The following CLPSL1 variants were observed in gnomAD, a reference collection of about 807,000 sequenced individuals.
The protein encoded by CLPSL1 is colipase-like protein 1.
In CLPSL1, 13 loss-of-function variants were observed where a neutral mutation model predicts 9.3. That is an observed-to-expected ratio of 1.40 (90% CI 0.91 to 2.22). The LOEUF is 2.22. CLPSL1 is among the 30% of genes most tolerant of loss of function. The pLI is 0.00. For missense variants in CLPSL1, 164 were observed against 146.6 expected (o/e 1.12, Z -0.61); for synonymous variants, 58 against 56.9 (o/e 1.02, Z -0.08).
chr6:35,789,348 T>C (rs1768146847), downstream of CLPSL1, among the ~76,000 whole-genome samples: 1 of 152,262 alleles, frequency 6.6e-6, no homozygotes, highest in South Asian at 2.1e-4. Context: ...GGGGAAAGGA[T>C]AGTCTTTTCA....
chr6:35,781,675 G>A (rs1292239656), intron 1 of CLPSL1, among the ~76,000 whole-genome samples: 8 of 151,364 alleles, frequency 5.3e-5, no homozygotes, highest in African/African-American at 1.9e-4. Flanking sequence ...AGCAAGGAAA[G>A]GGAAAATAAG....
rs141726973 is a variant in CLPSL1 at position 35,787,905 on chromosome 6, G to C, written c.261G>C (p.Arg87=). The C allele has an allele frequency of 6.2e-7, 1 of 1,608,918 alleles. No individual in the cohort carries two copies. Among genetic ancestry groups the C allele is most frequent in the Non-Finnish European group, 8.5e-7 (1 of 1,175,442 alleles). The change falls in exon 3 of 3, where the codon CGG becomes CGC. Residue 87 remains arginine, a synonymous_variant. Coordinates refer to ENST00000373861, the MANE Select transcript of CLPSL1 (RefSeq NM_001010886.5). ...AATATAGAGCGTGTCCCTGCCTGCG[G>C]AACCTGACTTGTATATATTCAAAGA... ...FGQYRACPCL[R]NLTCIYSKNE...
chr6:35,792,810 C>T (rs1223933129), downstream of CLPSL1, among the ~76,000 whole-genome samples: 3 of 152,260 alleles, frequency 2.0e-5, no homozygotes, highest in Non-Finnish European at 1.5e-5. Context: ...TCTCCAGGAC[C>T]GAATGTGGCA....
At position 35,782,462 on chromosome 6, in the gene CLPSL1, A is replaced by G. The variant is rs561008901; in HGVS notation, c.99+1253A>G. ...AGGTTGCTAGCGGGGGAAATAAATT[A>G]TTTTTAAACATATAAATAAGATGAT... On this transcript the variant is annotated intron_variant, in intron 1 of 2. Transcript: ENST00000373861. 2.0e-5 allele frequency among the ~76,000 whole-genome samples: 3 copies of G among 152,350 alleles called. No individual in the cohort carries two copies. The East Asian group carries it at 5.8e-4, about 29-fold the overall frequency.
chr6:35,791,834 T>C (rs1162573978), downstream of CLPSL1, among the ~76,000 whole-genome samples: 4 of 151,912 alleles, frequency 2.6e-5, no homozygotes, highest in African/African-American at 7.3e-5. Context: ...TTCGGAGGCC[T>C]AGGTGGGCAG....
At chr6:35,788,690 A>AGAAG (rs1198426713), downstream of CLPSL1, among the ~76,000 whole-genome samples, 23 of 152,364 alleles carry the variant, frequency 1.5e-4, no homozygotes, top group Admixed American at 6.5e-4. Context: ...GGACAAGAAA[A>AGAAG]GAAGGAAGGA....
At chr6:35,793,455 A>G in intron 1 of CLPSL1, 1 of 469,530 alleles carries the variant, frequency 2.1e-6, no homozygotes, top group South Asian at 1.6e-5. Flanking sequence ...GTATGCAAGA[A>G]GAAACTCTCT....
intron 1 of CLPSL1, 107 bp downstream of exon 1, chr6:35,781,316 T>G: frequency 2.1e-6 from 3 of 1,446,752 alleles, no homozygotes; most frequent in South Asian, 2.8e-5. Context: ...AGGCCAGAAG[T>G]GGGGGCAGCA....
chr6:35,781,526 T>A, intron 1 of CLPSL1, among the ~76,000 whole-genome samples: 1 of 152,128 alleles, frequency 6.6e-6, no homozygotes, highest in Non-Finnish European at 1.5e-5. Flanking sequence ...GTAAATTATT[T>A]TTCTACATTT....
rs1339174703 is a variant in CLPSL1 at position 35,787,005 on chromosome 6, A to G, written c.107A>G (p.Lys36Arg). Reference sequence around the variant, plus strand: ...CCGTGTCCCTCCCTGCAGGAGCTCAAGGAGTCTTGCATCCGGAACCAGGAC... The same window carrying G: ...CCGTGTCCCTCCCTGCAGGAGCTCAGGGAGTCTTGCATCCGGAACCAGGAC... ...SPTKYNLLEL[K>R]ESCIRNQDCE... Residue 36 changes from lysine to arginine, a missense_variant, in exon 2 of 3, where the codon AAG becomes AGG. Physicochemically the swap from Lys to Arg is conservative, Grantham distance 26. Coordinates refer to ENST00000373861, the MANE Select transcript of CLPSL1 (RefSeq NM_001010886.5). 8 of 1,580,322 alleles carry G rather than the reference A, an allele frequency of 5.1e-6. No individual in the cohort carries two copies. The South Asian group carries it at 9.3e-5, about 18-fold the overall frequency.
chr6:35,786,667 GTA>G (rs1187380871), intron 1 of CLPSL1, among the ~76,000 whole-genome samples: 4 of 151,894 alleles, frequency 2.6e-5, no homozygotes, highest in African/African-American at 9.7e-5. Flanking sequence ...GAAAGGGTGA[GTA>G]TGAGTTTTGG....
chr6:35,785,251 A>C (rs1310232529), intron 1 of CLPSL1, among the ~76,000 whole-genome samples: 1 of 144,568 alleles, frequency 6.9e-6, no homozygotes, highest in Non-Finnish European at 1.5e-5. Context: ...AATCTCAGCT[A>C]ACTGCAAGCT....
intron 2 of CLPSL1, among the ~76,000 whole-genome samples, chr6:35,787,570 G>A (rs1334100835): frequency 6.6e-6 from 1 of 152,248 alleles, no homozygotes; most frequent in Non-Finnish European, 1.5e-5. Context: ...GCCCATGGAA[G>A]GATTTAAAGA....
intron 1 of CLPSL1, among the ~76,000 whole-genome samples, chr6:35,786,016 G>C (rs1275315215): frequency 1.3e-5 from 2 of 151,486 alleles, no homozygotes; most frequent in Non-Finnish European, 2.9e-5. Flanking sequence ...TGTAATCCTA[G>C]CACTTTGGGA....
intron 1 of CLPSL1, among the ~76,000 whole-genome samples, chr6:35,782,259 AAGAG>A (rs949316641): frequency 6.6e-6 from 1 of 152,144 alleles, no homozygotes; most frequent in Non-Finnish European, 1.5e-5. Flanking sequence ...AAAGAGGAGT[AAGAG>A]AGAGTGGAAA....
At chr6:35,786,710 C>A (rs959727845) in intron 1 of CLPSL1, among the ~76,000 whole-genome samples, 8 of 152,172 alleles carry the variant, frequency 5.3e-5, no homozygotes, top group Non-Finnish European at 1.0e-4. Flanking sequence ...GAATGAAGTG[C>A]AAGAGAGAGA....
downstream of CLPSL1, among the ~76,000 whole-genome samples, chr6:35,791,202 C>T (rs866799374): frequency 3.3e-4 from 50 of 152,336 alleles, no homozygotes; most frequent in Middle Eastern, 3.4e-3. Flanking sequence ...TAGAGGCTGC[C>T]GTTGTCAGAA....
chr6:35,789,428 A>C (rs1349528336), downstream of CLPSL1, among the ~76,000 whole-genome samples: 1 of 152,282 alleles, frequency 6.6e-6, no homozygotes, highest in Non-Finnish European at 1.5e-5. Flanking sequence ...AGCACACACA[A>C]AAATAAACTC....
chr6:35,786,894 G>A, intron 1 of CLPSL1, 104 bp from the exon 2 acceptor site: 1 of 1,395,648 alleles, frequency 7.2e-7, no homozygotes, highest in Non-Finnish European at 9.7e-7. Context: ...GTGATGGTGG[G>A]AGCAGAGTCT....
Sources: allele counts gnomAD v4.1 joint callset (sites outside exome capture counted in the v4.1 genomes callset), GRCh38; gene constraint gnomAD v4.1.1; transcripts MANE v1.5; gene names NCBI Gene and HGNC (gene_info 2026-07-23, HGNC 2026-07-21).